SLC24A3: variants seen among roughly 807,000 people sequenced by gnomAD.
SLC24A3 encodes the protein solute carrier family 24 member 3.
A neutral mutation model predicts 75.8 loss-of-function variants in SLC24A3; 28 were observed. The observed-to-expected ratio is 0.37, with a 90% CI of 0.27 to 0.51. SLC24A3 has a LOEUF of 0.51. SLC24A3 is among the 20% of genes least tolerant of loss of function. The probability of loss-of-function intolerance (pLI) is 0.94; values close to 1 mark genes in which losing one functional copy is unlikely to be tolerated. For missense variants in SLC24A3, 663 were observed against 847.8 expected, an observed-to-expected ratio of 0.78 and a Z score of 2.71; for synonymous variants, 372 against 334.1, an observed-to-expected ratio of 1.11 and a Z score of -1.24.
chr20:19,673,733 G>C, intron 9 of SLC24A3, 79 bp downstream of exon 9: 1 of 1,265,744 alleles, frequency 7.9e-7, no homozygotes, highest in Middle Eastern at 1.8e-4. Context: ...AGAGGATTGG[G>C]GTGGGTATCT....
intron 2 of SLC24A3, among the ~76,000 whole-genome samples, chr20:19,329,975 G>A (rs1984962498): frequency 6.6e-6 from 1 of 152,128 alleles, no homozygotes; most frequent in Admixed American, 6.5e-5. Context: ...CCCTCGAGCT[G>A]GTTGGAATTA....
intron 2 of SLC24A3, among the ~76,000 whole-genome samples, chr20:19,320,884 A>T (rs76487163): frequency 0.016 from 2,455 of 151,992 alleles, 56 homozygotes; most frequent in African/African-American, 0.055. Flanking sequence ...AAGTTGGTTG[A>T]CTCTGTGGAT....
At chr20:19,500,083 G>T (rs575432929) in intron 2 of SLC24A3, among the ~76,000 whole-genome samples, 14 of 152,288 alleles carry the variant, frequency 9.2e-5, no homozygotes, top group African/African-American at 3.1e-4. Context: ...GAAATGTGTG[G>T]TGCACACCTG....
intron 2 of SLC24A3, among the ~76,000 whole-genome samples, chr20:19,300,601 C>G (rs1984171760): frequency 6.6e-6 from 1 of 152,178 alleles, no homozygotes; most frequent in African/African-American, 2.4e-5. Flanking sequence ...CACACATATG[C>G]TCATTGTCAC....
intron 1 of SLC24A3, among the ~76,000 whole-genome samples, chr20:19,239,778 T>G (rs1982278978): frequency 6.6e-6 from 1 of 152,170 alleles, no homozygotes; most frequent in African/African-American, 2.4e-5. Context: ...TGGCTTTGCC[T>G]TTGAGAAGTA....
chr20:19,563,672 A>C (rs1309228392), intron 3 of SLC24A3, among the ~76,000 whole-genome samples: 2 of 152,230 alleles, frequency 1.3e-5, no homozygotes, highest in Non-Finnish European at 2.9e-5. Flanking sequence ...TTGATTGGCC[A>C]GCAGTTCCAC....
rs530346467 is a variant in SLC24A3 at position 19,693,541 on chromosome 20, G to A, written c.1491+116G>A. On this transcript the variant is annotated intron_variant, in intron 13 of 16. Coordinates refer to ENST00000328041, the MANE Select transcript of SLC24A3 (RefSeq NM_020689.4). ...TAGTCAGCTATTGCTACAATAAGCTGCACAACGAACCACTCCTAAACTTAG... is the reference window on the plus strand; with the variant it reads ...TAGTCAGCTATTGCTACAATAAGCTACACAACGAACCACTCCTAAACTTAG... 2.0e-4 allele frequency: 272 copies of A among 1,350,910 alleles called. No individual in the cohort carries two copies. The African/African-American group carries it at 3.6e-3, about 18-fold the overall frequency. The allele number at this position is 1,350,910 out of a possible 1,614,324, so 83.7% of individuals were successfully genotyped here. A position where few individuals can be genotyped will look rare whatever the true frequency, so the allele number is the denominator to read the frequency against.
chr20:19,599,011 ACTC>A (rs2031488555), intron 6 of SLC24A3, among the ~76,000 whole-genome samples: 1 of 152,136 alleles, frequency 6.6e-6, no homozygotes, highest in African/African-American at 2.4e-5. Context: ...TTTACTGGGA[ACTC>A]AGTTGAGTCG....
chr20:19,252,903 G>T (rs1982706545), intron 1 of SLC24A3, among the ~76,000 whole-genome samples: 1 of 152,152 alleles, frequency 6.6e-6, no homozygotes, highest in African/African-American at 2.4e-5. Flanking sequence ...TAGAAGAGGT[G>T]GTGCTTGATT....
At chr20:19,630,911 A>G (rs2031925213) in intron 6 of SLC24A3, among the ~76,000 whole-genome samples, 1 of 152,226 alleles carries the variant, frequency 6.6e-6, no homozygotes, top group Non-Finnish European at 1.5e-5. Flanking sequence ...TGGCCCTTGA[A>G]CTAATTGTAT....
At chr20:19,276,463 A>T (rs576693911) in intron 1 of SLC24A3, among the ~76,000 whole-genome samples, 1 of 152,344 alleles carries the variant, frequency 6.6e-6, no homozygotes, top group East Asian at 1.9e-4. Flanking sequence ...ATAAATCTGG[A>T]TGGTATAGCC....
intron 2 of SLC24A3, among the ~76,000 whole-genome samples, chr20:19,282,046 T>C (rs1306031356): frequency 6.6e-6 from 1 of 152,076 alleles, no homozygotes; most frequent in Non-Finnish European, 1.5e-5. Flanking sequence ...GACATGCTGA[T>C]CCTACATCCA....
At chr20:19,614,591 G>A (rs554864083) in intron 6 of SLC24A3, among the ~76,000 whole-genome samples, 1 of 152,346 alleles carries the variant, frequency 6.6e-6, no homozygotes, top group East Asian at 1.9e-4. Flanking sequence ...GGGCCACAAA[G>A]ATGGACTGTG....
At chr20:19,691,208 G>A (rs1198969813) in intron 12 of SLC24A3, among the ~76,000 whole-genome samples, 3 of 152,224 alleles carry the variant, frequency 2.0e-5, no homozygotes, top group Admixed American at 6.5e-5. Context: ...TAGAAAAGCT[G>A]GAGTGAGATG....
intron 10 of SLC24A3, among the ~76,000 whole-genome samples, chr20:19,682,265 AAAAG>A (rs1156945016): frequency 2.6e-5 from 4 of 152,186 alleles, no homozygotes; most frequent in South Asian, 4.1e-4. Context: ...AAAAAAAAAT[AAAAG>A]AAAGAAAGAA....
At chr20:19,545,494 G>T (rs747797398) in intron 3 of SLC24A3, among the ~76,000 whole-genome samples, 16 of 152,192 alleles carry the variant, frequency 1.1e-4, no homozygotes, top group Non-Finnish European at 1.6e-4. Flanking sequence ...CTCCCATGTG[G>T]AGTTGAAAGG....
intron 3 of SLC24A3, among the ~76,000 whole-genome samples, chr20:19,571,256 C>T (rs2031047536): frequency 6.6e-6 from 1 of 151,998 alleles, no homozygotes; most frequent in Non-Finnish European, 1.5e-5. Flanking sequence ...TCAGTATAGC[C>T]CTGTAGGGAG....
intron 2 of SLC24A3, among the ~76,000 whole-genome samples, chr20:19,496,263 G>A (rs572137550): frequency 6.6e-6 from 1 of 152,294 alleles, no homozygotes; most frequent in Non-Finnish European, 1.5e-5. Context: ...TCTCCATGCA[G>A]CAAGGCCCGA....
intron 2 of SLC24A3, among the ~76,000 whole-genome samples, chr20:19,296,215 AT>A (rs200763507): frequency 0.026 from 2,958 of 115,868 alleles, 37 homozygotes; most frequent in African/African-American, 0.041. Context: ...CCCCATTATC[AT>A]TTTTTATTGT....
Sources: gnomAD v4.1 joint callset for allele counts (sites outside exome capture counted in the v4.1 genomes callset) on GRCh38, gnomAD v4.1.1 for gene constraint, MANE v1.5 for transcripts, NCBI Gene and HGNC (gene_info 2026-07-23, HGNC 2026-07-21) for gene names.